ARHGAP10: variants seen among roughly 807,000 people sequenced by gnomAD.
The protein encoded by ARHGAP10 is rho GTPase-activating protein 10.
A neutral mutation model predicts 108.6 loss-of-function variants in ARHGAP10; 87 were observed. The observed-to-expected ratio is 0.80, with a 90% CI of 0.67 to 0.96. The LOEUF (loss-of-function observed/expected upper bound fraction) is 0.96, where lower values mean the gene tolerates loss of function less well. ARHGAP10 is among the 40% of genes least tolerant of loss of function. The probability of loss-of-function intolerance (pLI) is 0.00; values close to 1 mark genes in which losing one functional copy is unlikely to be tolerated. For synonymous variants in ARHGAP10, 347 were observed against 341.1 expected, an observed-to-expected ratio of 1.02 and a Z score of -0.19; for missense variants, 939 against 954.5, an observed-to-expected ratio of 0.98 and a Z score of 0.21.
At chr4:147,912,744 G>A (rs1736810306) in intron 12 of ARHGAP10, among the ~76,000 whole-genome samples, 1 of 144,314 alleles carries the variant, frequency 6.9e-6, no homozygotes, top group South Asian at 2.2e-4. Flanking sequence ...TACCTGCTGG[G>A]CTCAAGCTAT....
intron 11 of ARHGAP10, among the ~76,000 whole-genome samples, chr4:147,907,016 T>C (rs1408594723): frequency 1.3e-5 from 2 of 152,204 alleles, no homozygotes; most frequent in Admixed American, 6.5e-5. Context: ...GACAGTACTT[T>C]GGATGATGAA....
chr4:147,938,375 A>C (rs1738035002), intron 13 of ARHGAP10, among the ~76,000 whole-genome samples: 1 of 152,250 alleles, frequency 6.6e-6, no homozygotes, highest in Non-Finnish European at 1.5e-5. Flanking sequence ...AGTTAAAAAA[A>C]ATAGTATATG....
In ARHGAP10 at chr4:148,010,173, A is replaced by G. The variant is rs531887269; in HGVS notation, c.1717-13090A>G. Among the ~76,000 whole-genome samples, 4 of 152,296 alleles carry G rather than the reference A, an allele frequency of 2.6e-5. No individual in the cohort carries two copies. In the South Asian group the frequency reaches 8.3e-4, roughly 32 times the overall value. The stretch of plus-strand genomic sequence containing the variant: ...CCTATGAATGAAGTAGGTGAGGAAT[A>G]TAGTGATTAAATGGTATACCTGTGT... On this transcript the variant is annotated intron_variant, in intron 18 of 22. Coordinates refer to ENST00000336498, the MANE Select transcript of ARHGAP10 (RefSeq NM_024605.4).
At position 147,743,347 on chromosome 4, in the gene ARHGAP10, T is replaced by C. The variant is rs1728773241; in HGVS notation, c.154+10892T>C. On this transcript the variant is annotated intron_variant, in intron 1 of 22. Transcript: ENST00000336498. ...CGCCCAGCCGATAGTTTTGTTTTTA[T>C]TTTGTGAAATGCGAATCAAAGGCAG... Among the ~76,000 whole-genome samples, 3 of 152,188 alleles carry C rather than the reference T, an allele frequency of 2.0e-5. No homozygotes were observed. In the South Asian group the frequency reaches 6.2e-4, roughly 31 times the overall value.
chr4:147,744,631 G>C lies in ARHGAP10; in HGVS notation c.154+12176G>C, dbSNP rs151252104. 3.3e-3 allele frequency among the ~76,000 whole-genome samples: 504 copies of C among 152,172 alleles called. 5 individuals are homozygous for C. The highest frequency in any genetic ancestry group is 0.011 in the African/African-American group (475 of 41,494). ...AAGACTTAGCAGCTGCAGGCTATAG[G>C]GGGTGATTGGGTGTGGGGGCTGCCC... On this transcript the variant is annotated intron_variant, in intron 1 of 22. Transcript: ENST00000336498.
At chr4:147,846,186 A>G (rs1236190550) in intron 3 of ARHGAP10, among the ~76,000 whole-genome samples, 1 of 152,186 alleles carries the variant, frequency 6.6e-6, no homozygotes. Context: ...ACGTTAGAGT[A>G]TGAAGGTCTC....
chr4:147,836,721 G>A (rs943981662), intron 3 of ARHGAP10, among the ~76,000 whole-genome samples: 25 of 152,076 alleles, frequency 1.6e-4, no homozygotes, highest in African/African-American at 5.6e-4. Flanking sequence ...ATTGAATTTC[G>A]TTTTTACATT....
intron 4 of ARHGAP10, among the ~76,000 whole-genome samples, chr4:147,856,903 A>G (rs968749457): frequency 2.6e-5 from 4 of 152,208 alleles, no homozygotes; most frequent in Non-Finnish European, 4.4e-5. Flanking sequence ...CCCAGGCTGG[A>G]GTGCAGTGGT....
intron 1 of ARHGAP10, among the ~76,000 whole-genome samples, chr4:147,759,523 A>G (rs927710346): frequency 6.6e-6 from 1 of 150,606 alleles, no homozygotes; most frequent in Admixed American, 6.6e-5. Flanking sequence ...GTAGTTTGCT[A>G]TGTTTGTGCC....
chr4:147,811,590 TAAA>T (rs1175026659), intron 1 of ARHGAP10, among the ~76,000 whole-genome samples: 3 of 95,064 alleles, frequency 3.2e-5, no homozygotes, highest in Admixed American at 2.3e-4. Context: ...TGGCTTTTTT[TAAA>T]AAAAAAAAAC....
chr4:147,754,965 C>T (rs997420783), intron 1 of ARHGAP10, among the ~76,000 whole-genome samples: 1 of 151,830 alleles, frequency 6.6e-6, no homozygotes, highest in Non-Finnish European at 1.5e-5. Context: ...GCCTATAGTC[C>T]CAGCTACTTG....
Position 147,871,054 on chromosome 4 carries a change from G to T in ARHGAP10, c.703-3967G>T, listed in dbSNP as rs576039126. On this transcript the variant is annotated intron_variant, in intron 7 of 22. Coordinates refer to ENST00000336498, the MANE Select transcript of ARHGAP10 (RefSeq NM_024605.4). Reference sequence around the variant, plus strand: ...GGCTCACTGTAAGCTCCGCCTCCTGGGTTCACGCCATTCTCCTGCCTCAGC... The same window carrying T: ...GGCTCACTGTAAGCTCCGCCTCCTGTGTTCACGCCATTCTCCTGCCTCAGC... 4.0e-5 allele frequency among the ~76,000 whole-genome samples: 6 copies of T among 151,538 alleles called. No homozygotes were observed. The Admixed American group carries it at 4.0e-4, about 10-fold the overall frequency.
chr4:147,850,187 A>G (rs991198806), intron 4 of ARHGAP10, among the ~76,000 whole-genome samples: 10 of 152,196 alleles, frequency 6.6e-5, no homozygotes, highest in African/African-American at 1.4e-4. Context: ...AAATGCACCA[A>G]TCAGCACTCT....
intron 1 of ARHGAP10, among the ~76,000 whole-genome samples, chr4:147,790,159 C>T (rs1731062895): frequency 6.6e-6 from 1 of 151,914 alleles, no homozygotes; most frequent in Non-Finnish European, 1.5e-5. Flanking sequence ...TGGTGAGGGC[C>T]CACTTCCTGA....
intron 10 of ARHGAP10, among the ~76,000 whole-genome samples, chr4:147,904,967 T>G (rs1286697333): frequency 2.0e-5 from 3 of 152,208 alleles, no homozygotes; most frequent in African/African-American, 7.2e-5. Context: ...TTGATTTGCA[T>G]TTCTCTGATG....
intron 1 of ARHGAP10, among the ~76,000 whole-genome samples, chr4:147,774,742 A>G (rs1166148152): frequency 6.6e-6 from 1 of 152,166 alleles, no homozygotes; most frequent in Non-Finnish European, 1.5e-5. Context: ...GAACTTGCTT[A>G]AAGAGGTAAG....
At chr4:148,045,222 A>C (rs889255833) in intron 19 of ARHGAP10, among the ~76,000 whole-genome samples, 3 of 152,068 alleles carry the variant, frequency 2.0e-5, no homozygotes, top group African/African-American at 4.8e-5. Context: ...CACCATAAAC[A>C]ATTTCTTCTT....
chr4:147,860,505 G>T (rs1360497787), intron 5 of ARHGAP10, among the ~76,000 whole-genome samples: 1 of 152,072 alleles, frequency 6.6e-6, no homozygotes, highest in African/African-American at 2.4e-5. Context: ...TACCATGCTG[G>T]CTATTTTGGC....
chr4:147,757,741 C>T (rs552717165), intron 1 of ARHGAP10, among the ~76,000 whole-genome samples: 1 of 152,342 alleles, frequency 6.6e-6, no homozygotes, highest in East Asian at 1.9e-4. Context: ...CAGTCACCTT[C>T]CTAAGAGAAT....
Sources: allele counts gnomAD v4.1 joint callset (sites outside exome capture counted in the v4.1 genomes callset), GRCh38; gene constraint gnomAD v4.1.1; transcripts MANE v1.5; gene names NCBI Gene and HGNC (gene_info 2026-07-23, HGNC 2026-07-21).